ITPK1: variants seen among roughly 807,000 people sequenced by gnomAD.
ITPK1 encodes inositol-tetrakisphosphate 1-kinase.
A neutral mutation model predicts 45.3 loss-of-function variants in ITPK1; 21 were observed. The ratio of observed to expected loss-of-function variants is 0.46; its 90% CI spans 0.33 to 0.67. The LOEUF (loss-of-function observed/expected upper bound fraction) is 0.67, where lower values mean the gene tolerates loss of function less well. ITPK1 is among the 30% of genes least tolerant of loss of function. The pLI is 0.02. For missense variants in ITPK1, 474 were observed against 573.5 expected (o/e 0.83, Z 1.77); for synonymous variants, 258 against 253.6 (o/e 1.02, Z -0.16).
chr14:92,991,495 C>T (rs1043649357), intron 5 of ITPK1, among the ~76,000 whole-genome samples: 5 of 152,028 alleles, frequency 3.3e-5, no homozygotes, highest in East Asian at 3.9e-4. Flanking sequence ...CTGTTGAGGA[C>T]GGGGCCCTCT....
chr14:93,057,324 A>G (rs1890249843), intron 3 of ITPK1, among the ~76,000 whole-genome samples: 1 of 152,206 alleles, frequency 6.6e-6, no homozygotes, highest in African/African-American at 2.4e-5. Flanking sequence ...TGTTCTCTCG[A>G]AATCTGTCCT....
chr14:92,946,211 G>A (rs147341281), intron 10 of ITPK1, 120 bp downstream of exon 10: 8 of 1,186,412 alleles, frequency 6.7e-6, no homozygotes, highest in African/African-American at 1.5e-5. Context: ...GCACCTCCCC[G>A]GACCTCGTGG....
intron 3 of ITPK1, among the ~76,000 whole-genome samples, chr14:93,037,409 G>A (rs1398435417): frequency 6.6e-6 from 1 of 152,236 alleles, no homozygotes; most frequent in African/African-American, 2.4e-5. Context: ...GGTATTTCAA[G>A]GAATGTGACG....
intron 3 of ITPK1, among the ~76,000 whole-genome samples, chr14:93,061,592 C>A (rs1224811783): frequency 1.3e-5 from 2 of 152,202 alleles, no homozygotes; most frequent in Non-Finnish European, 2.9e-5. Context: ...GCATTCAAAT[C>A]TAGAAGCACA....
At chr14:93,050,780 G>C (rs1001767815) in intron 3 of ITPK1, among the ~76,000 whole-genome samples, 4 of 152,002 alleles carry the variant, frequency 2.6e-5, no homozygotes, top group Admixed American at 2.6e-4. Flanking sequence ...CTGACCTACC[G>C]AGACCTCCAG....
chr14:92,995,385 G>A (rs1017468453), intron 4 of ITPK1, among the ~76,000 whole-genome samples: 2 of 152,206 alleles, frequency 1.3e-5, no homozygotes, highest in Non-Finnish European at 2.9e-5. Flanking sequence ...GAGCCATTTG[G>A]AATTATTTTT....
chr14:93,009,809 C>T (rs994567168), intron 4 of ITPK1, among the ~76,000 whole-genome samples: 25 of 152,208 alleles, frequency 1.6e-4, no homozygotes, highest in Admixed American at 1.5e-3. Flanking sequence ...CAATCCCAGA[C>T]GATGACCTCC....
At chr14:93,106,795 C>T (rs1253936985) in intron 2 of ITPK1, among the ~76,000 whole-genome samples, 1 of 152,148 alleles carries the variant, frequency 6.6e-6, no homozygotes, top group East Asian at 1.9e-4. Context: ...TGCCCACAAG[C>T]CCCTCCGGAA....
rs1355139071 is a variant in ITPK1 at position 92,940,718 on chromosome 14, AGG to A, written c.*841_*842del. 2.3e-6 allele frequency: 3 copies of A among 1,288,832 alleles called. No homozygotes were observed. The South Asian group carries it at 3.7e-5, about 16-fold the overall frequency. 79.8% of individuals were successfully genotyped at this position (1,288,832 alleles called of 1,614,324 possible). A position where few individuals can be genotyped will look rare whatever the true frequency, so the allele number is the denominator to read the frequency against. On this transcript the variant is annotated 3_prime_UTR_variant, in exon 11 of 11. Coordinates refer to ENST00000267615, the MANE Select transcript of ITPK1 (RefSeq NM_014216.6). ...TGATCTCAAATGTCCACTAGAGACA[AGG>A]GGGTGGAGGCCCAAAGACCTGGAAT...
Position 93,051,809 on chromosome 14 carries a change from T to C in ITPK1, c.120+24786A>G, listed in dbSNP as rs149252174. On this transcript the variant is annotated intron_variant, in intron 3 of 10. Transcript: ENST00000267615. The stretch of plus-strand genomic sequence containing the variant: ...AGCATGGGGAATGGAAGACAGCAGA[T>C]TGGGCGGAAGCCCTTCCATTGTAAC... Among the ~76,000 whole-genome samples, 548 of 152,342 alleles carry C rather than the reference T, an allele frequency of 3.6e-3. 2 individuals carry two copies. The highest frequency in any genetic ancestry group is 6.2e-3 in the Non-Finnish European group (420 of 68,022).
Position 93,027,682 on chromosome 14 carries a change from C to T in ITPK1, c.121-10881G>A, listed in dbSNP as rs192240287. On this transcript the variant is annotated intron_variant, in intron 3 of 10. Transcript: ENST00000267615. ...CAGGACTCCTCTGCAGATCTCAGAG[C>T]CCGTGCACTAGTCACTGAGTAAGCA... Among the ~76,000 whole-genome samples the T allele has an allele frequency of 5.9e-5, 9 of 152,294 alleles. No homozygotes were observed. In the East Asian group the frequency reaches 9.6e-4, roughly 16 times the overall value.
At chr14:93,075,280 T>C (rs1190432274) in intron 3 of ITPK1, among the ~76,000 whole-genome samples, 2 of 123,410 alleles carry the variant, frequency 1.6e-5, no homozygotes, top group Non-Finnish European at 3.1e-5. Context: ...TGAGCTGAGA[T>C]AGCTCCACTG....
intron 2 of ITPK1, 24 bp downstream of exon 2, chr14:93,115,045 C>T (rs376332031): frequency 2.6e-6 from 4 of 1,517,832 alleles, no homozygotes; most frequent in Non-Finnish European, 3.6e-6. Flanking sequence ...GGTCCCCGGG[C>T]GCCGGCGCCG....
intron 3 of ITPK1, among the ~76,000 whole-genome samples, chr14:93,065,783 C>G (rs1317112545): frequency 6.6e-6 from 1 of 152,220 alleles, no homozygotes; most frequent in African/African-American, 2.4e-5. Flanking sequence ...CAGAAATAAC[C>G]TAGAACTTGA....
chr14:92,996,578 A>T (rs201989998), intron 4 of ITPK1, among the ~76,000 whole-genome samples: 6 of 143,882 alleles, frequency 4.2e-5, no homozygotes, highest in East Asian at 2.0e-4. Flanking sequence ...ACTTAAATTT[A>T]AAAAAAAAAA....
At chr14:92,969,394 G>T (rs1363937910) in intron 5 of ITPK1, among the ~76,000 whole-genome samples, 1 of 151,858 alleles carries the variant, frequency 6.6e-6, no homozygotes, top group Non-Finnish European at 1.5e-5. Flanking sequence ...GACTGGGGGG[G>T]TGGGGAGGCG....
chr14:93,030,166 C>A (rs191668153), intron 3 of ITPK1, among the ~76,000 whole-genome samples: 12 of 152,364 alleles, frequency 7.9e-5, no homozygotes, highest in Non-Finnish European at 1.3e-4. Context: ...CCCGCATTTA[C>A]ACTCAGTAGA....
At chr14:93,100,537 GGAGA>G (rs369481573) in intron 2 of ITPK1, among the ~76,000 whole-genome samples, 81 of 148,124 alleles carry the variant, frequency 5.5e-4, no homozygotes, top group South Asian at 1.1e-3. Context: ...GAGAGAGGAG[GGAGA>G]GAGAGAGAGA....
chr14:93,099,575 T>A (rs1892228924), intron 2 of ITPK1, among the ~76,000 whole-genome samples: 1 of 152,112 alleles, frequency 6.6e-6, no homozygotes, highest in Non-Finnish European at 1.5e-5. Context: ...AGCTGGCTGC[T>A]GGGCGCAGCC....
Sources: allele counts gnomAD v4.1 joint callset (sites outside exome capture counted in the v4.1 genomes callset), GRCh38; gene constraint gnomAD v4.1.1; transcripts MANE v1.5; gene names NCBI Gene and HGNC (gene_info 2026-07-23, HGNC 2026-07-21).